TULP1: variants seen among roughly 807,000 people sequenced by gnomAD.
The protein encoded by TULP1 is TUB like protein 1, also known as tubby-related protein 1.
Under a neutral mutation model 67.1 loss-of-function variants are expected in TULP1, and 50 were observed. That is an observed-to-expected ratio of 0.75 (90% CI 0.59 to 0.94). The LOEUF (loss-of-function observed/expected upper bound fraction) is 0.94. Among genes scored for constraint, TULP1 ranks in the 40% least tolerant of loss-of-function variants. TULP1 has a pLI of 0.00. For missense variants in TULP1, 746 were observed against 734.1 expected (o/e 1.02, Z -0.19); for synonymous variants, 297 against 294.0 (o/e 1.01, Z -0.11).
chr6:35,509,233 G>A lies in TULP1; in HGVS notation c.798C>T (p.Gly266=). The change falls in exon 8 of 15, where the codon GGC becomes GGT. Residue 266 remains glycine, a synonymous_variant. Coordinates refer to ENST00000229771, the MANE Select transcript of TULP1 (RefSeq NM_003322.6). ...ATVIKKSNQK[G]KAKGKGKKKA... ...CCTTTTTGCCTTTTCCTTTGGCTTTGCCCTTTTGATTGCTCTTCTTTATCA... is the reference window on the plus strand; with the variant it reads ...CCTTTTTGCCTTTTCCTTTGGCTTTACCCTTTTGATTGCTCTTCTTTATCA... 1 of 1,613,890 alleles carries A rather than the reference G, an allele frequency of 6.2e-7. No homozygotes were observed. The highest frequency in any genetic ancestry group is 8.5e-7 in the Non-Finnish European group (1 of 1,179,916).
intron 11 of TULP1, among the ~76,000 whole-genome samples, chr6:35,505,190 G>C (rs1009130309): frequency 6.6e-6 from 1 of 152,172 alleles, no homozygotes; most frequent in Non-Finnish European, 1.5e-5. Context: ...ACCCGCCTTG[G>C]CCTCCCAAAA....
chr6:35,500,183 A>G, intron 13 of TULP1, 31 bp from the exon 14 acceptor site: 1 of 1,612,486 alleles, frequency 6.2e-7, no homozygotes, highest in Non-Finnish European at 8.5e-7. Context: ...AGACAGGGAG[A>G]GGACAGTTAG....
chr6:35,512,139 C>T, intron 3 of TULP1, 41 bp downstream of exon 3: 3 of 1,262,668 alleles, frequency 2.4e-6, no homozygotes, highest in South Asian at 2.4e-5. Context: ...CTTCCGCAGC[C>T]CACACCCTGG....
Position 35,497,993 on chromosome 6 carries a change from G to T in TULP1, c.*334C>A. 1 of 464,150 alleles carries T rather than the reference G, an allele frequency of 2.2e-6. No individual in the cohort carries two copies. The highest frequency in any genetic ancestry group is 4.0e-6 in the Non-Finnish European group (1 of 252,686). 28.8% of individuals were successfully genotyped at this position (464,150 alleles called of 1,614,324 possible). A position where few individuals can be genotyped will look rare whatever the true frequency, so the allele number is the denominator to read the frequency against. On this transcript the variant is annotated 3_prime_UTR_variant, in exon 15 of 15. Transcript: ENST00000229771. ...GCCCTAGCGCGGTCCCGGGGAGAGG[G>T]GAGGTTAAAACAACAATGACTACTG...
rs1275650548 is a variant in TULP1 at position 35,509,720 on chromosome 6, C to G, written c.632G>C (p.Gly211Ala). Residue 211 changes from glycine (G) to alanine (A), a missense_variant, in exon 7 of 15, where the codon GGG (glycine) becomes GCG (alanine). This residue lies in a region of TULP1 where 359 missense variants were observed against 341.9 expected (regional missense o/e 1.05). Transcript: ENST00000229771. ...GSGEADKDPS[G>A]SPASARKSPA... Reference sequence around the variant, plus strand: ...GCTCTTCCTCGCACTGGCTGGGCTCCCTGAGGGGTCCTTGTCGGCCTCCCC... The same window carrying G: ...GCTCTTCCTCGCACTGGCTGGGCTCGCTGAGGGGTCCTTGTCGGCCTCCCC... 6.2e-7 allele frequency: 1 copy of G among 1,614,092 alleles called. No homozygotes were observed. The highest frequency in any genetic ancestry group is 1.1e-5 in the South Asian group (1 of 91,084).
intron 8 of TULP1, among the ~76,000 whole-genome samples, chr6:35,508,547 CT>C (rs1761125641): frequency 2.6e-5 from 4 of 152,218 alleles, no homozygotes; most frequent in Admixed American, 2.6e-4. Context: ...TCCTTGAAGA[CT>C]TTTGTTACTT....
intron 7 of TULP1, 78 bp downstream of exon 7, chr6:35,509,556 A>G: frequency 7.1e-7 from 1 of 1,416,982 alleles, no homozygotes; most frequent in East Asian, 2.3e-5. Flanking sequence ...ACTGTCTTGT[A>G]TGCTGTAAGG....
In TULP1 at chr6:35,503,599, A is replaced by T; in HGVS notation, c.1283T>A (p.Met428Lys). 1 of 1,594,916 alleles carries T rather than the reference A, an allele frequency of 6.3e-7. No individual in the cohort carries two copies. Among genetic ancestry groups the T allele is most frequent in the Non-Finnish European group, 8.5e-7 (1 of 1,171,040 alleles). The change falls in exon 13 of 15, where the codon ATG (methionine) becomes AAG (lysine). Residue 428 changes from methionine (M) to lysine (K), a missense_variant. Met to Lys is a moderately conservative substitution (Grantham distance 95, BLOSUM62 -1). Coordinates refer to ENST00000229771, the MANE Select transcript of TULP1 (RefSeq NM_003322.6). The surrounding 1 kb of genome is among the most constrained non-coding windows in gnomAD (Gnocchi z 4.0). ...GGGGACCCTCTCGTTCTCCGCACTC[A>T]TGCCAGGAATGATGACGGTCATGCG... ...PRRMTVIIPG[M>K]SAENERVPIR...
At chr6:35,499,938 G>C (rs1399074798) in intron 14 of TULP1, 43 bp downstream of exon 14, 3 of 1,610,490 alleles carry the variant, frequency 1.9e-6, no homozygotes, top group Non-Finnish European at 2.5e-6. Flanking sequence ...CAGCATCCTG[G>C]GGGTGGTGGA....
intron 11 of TULP1, among the ~76,000 whole-genome samples, chr6:35,504,363 A>T (rs1389811245): frequency 6.6e-6 from 1 of 152,132 alleles, no homozygotes; most frequent in East Asian, 1.9e-4. Context: ...AACAAAAAAA[A>T]GGGCTGAATC....
chr6:35,509,412 G>T (rs780313412), intron 7 of TULP1, 100 bp from the exon 8 acceptor site: 50 of 1,222,812 alleles, frequency 4.1e-5, no homozygotes, highest in Non-Finnish European at 5.8e-5. Context: ...ACAACCACAA[G>T]AGAGTCGACC....
Position 35,497,949 on chromosome 6 carries a change from C to T in TULP1, c.*378G>A, listed in dbSNP as rs1768732550. The T allele has an allele frequency of 3.0e-6, 1 of 335,604 alleles. No individual in the cohort carries two copies. The highest frequency in any genetic ancestry group is 9.1e-4 in the Middle Eastern group (1 of 1,104). The allele number at this position is 335,604 out of a possible 1,614,324, so 20.8% of individuals were successfully genotyped here. A position where few individuals can be genotyped will look rare whatever the true frequency, so the allele number is the denominator to read the frequency against. On this transcript the variant is annotated 3_prime_UTR_variant, in exon 15 of 15. Transcript: ENST00000229771. Reference sequence around the variant, plus strand: ...CCCATCACCTACCCCCTCCTCCTAGCCCGCCCCAGCTCCTCGGAGCCCTAG... The same window carrying T: ...CCCATCACCTACCCCCTCCTCCTAGTCCGCCCCAGCTCCTCGGAGCCCTAG...
intron 11 of TULP1, among the ~76,000 whole-genome samples, chr6:35,504,352 AAAC>A (rs993467792): frequency 2.0e-5 from 3 of 152,034 alleles, no homozygotes; most frequent in African/African-American, 7.2e-5. Flanking sequence ...CTCCAAAACA[AAAC>A]AAAAAAAAGG....
chr6:35,509,312 C>T lies in TULP1; in HGVS notation c.719G>A (p.Gly240Asp), dbSNP rs773120841. The change falls in exon 8 of 15, where the codon GGC becomes GAC. Residue 240 changes from glycine (G) to aspartate (D), a missense_variant and splice_region_variant. Gly to Asp is a moderately conservative substitution (Grantham distance 94). Transcript: ENST00000229771. ...SPDKKALKKK[G>D]TPKGARKEEE... is the part of the protein sequence containing the mutation. Reference sequence around the variant, plus strand: ...CTCCTTCCTCGCGCCTTTGGGAGTGCCTGAGCGTGGAGGGGGAAACAAGGC... The same window carrying T: ...CTCCTTCCTCGCGCCTTTGGGAGTGTCTGAGCGTGGAGGGGGAAACAAGGC... 14 of 1,613,852 alleles carry T rather than the reference C, an allele frequency of 8.7e-6. No homozygotes were observed. Among genetic ancestry groups the T allele is most frequent in the Non-Finnish European group, 1.2e-5 (14 of 1,179,926 alleles).
chr6:35,501,044 T>C (rs1760945475), intron 13 of TULP1, among the ~76,000 whole-genome samples: 1 of 152,026 alleles, frequency 6.6e-6, no homozygotes, highest in South Asian at 2.1e-4. Flanking sequence ...TAAAATGACA[T>C]CAGTCTCCTG....
chr6:35,506,218 C>T, intron 9 of TULP1, 45 bp from the exon 10 acceptor site: 1 of 1,610,790 alleles, frequency 6.2e-7, no homozygotes, highest in East Asian at 2.2e-5. Context: ...CACCAGCTCC[C>T]CCGCTCCCAG....
intron 13 of TULP1, among the ~76,000 whole-genome samples, chr6:35,500,625 G>C (rs899230971): frequency 6.6e-6 from 1 of 152,182 alleles, no homozygotes; most frequent in Non-Finnish European, 1.5e-5. Context: ...TTTCTTTCTT[G>C]AGTTTCCTTG....
intron 13 of TULP1, among the ~76,000 whole-genome samples, chr6:35,502,659 C>T (rs1307557396): frequency 1.3e-5 from 2 of 151,742 alleles, no homozygotes; most frequent in African/African-American, 4.8e-5. Flanking sequence ...CTGCCACGCC[C>T]GGCTAATTTT....
At chr6:35,502,529 T>C (rs953354786) in intron 13 of TULP1, among the ~76,000 whole-genome samples, 2 of 151,916 alleles carry the variant, frequency 1.3e-5, no homozygotes, top group African/African-American at 4.8e-5. Context: ...AGTGTCGCTC[T>C]GTTGCCCAGG....
Sources: gnomAD v4.1 joint callset for allele counts (sites outside exome capture counted in the v4.1 genomes callset) on GRCh38, gnomAD v4.1.1 for gene constraint, gnomAD v4.1.1 regional missense constraint, Gnocchi (gnomAD v3.1) non-coding constraint, MANE v1.5 for transcripts, NCBI Gene and HGNC (gene_info 2026-07-23, HGNC 2026-07-21) for gene names.